Variants in SPATA9 observed in about 807,000 individuals in gnomAD.
SPATA9 encodes the protein spermatogenesis-associated protein 9.
In SPATA9, 27 loss-of-function variants were observed where a neutral mutation model predicts 25.5. The ratio of observed to expected loss-of-function variants is 1.06; its 90% CI spans 0.78 to 1.46. The LOEUF (loss-of-function observed/expected upper bound fraction) is 1.46. Ranked by LOEUF, SPATA9 falls within the 40% of genes most tolerant of loss-of-function variation. The pLI, the probability that SPATA9 is intolerant of heterozygous loss-of-function variation, is 0.00. For synonymous variants in SPATA9, 102 were observed against 105.7 expected, an observed-to-expected ratio of 0.97 and a Z score of 0.21; for missense variants, 282 against 297.5, an observed-to-expected ratio of 0.95 and a Z score of 0.38.
chr5:95,698,180 C>T (rs1035380816), intron 1 of SPATA9, among the ~76,000 whole-genome samples: 6 of 152,110 alleles, frequency 3.9e-5, no homozygotes, highest in African/African-American at 1.2e-4. Flanking sequence ...TAAGGCATTG[C>T]TTCATGGAAA....
intron 1 of SPATA9, among the ~76,000 whole-genome samples, chr5:95,692,510 T>C (rs927919315): frequency 6.6e-6 from 1 of 152,084 alleles, no homozygotes; most frequent in Non-Finnish European, 1.5e-5. Flanking sequence ...ATATTATTTC[T>C]AATCTTGTAT....
chr5:95,713,646 T>C, the SPATA9 span: 1 of 152,130 alleles, frequency 6.6e-6, no homozygotes, highest in Non-Finnish European at 1.5e-5. Context: ...TATGTCTTTA[T>C]AGTGTGTGAG....
chr5:95,677,998 C>T, intron 2 of SPATA9, among the ~76,000 whole-genome samples: 1 of 152,188 alleles, frequency 6.6e-6, no homozygotes. Flanking sequence ...GAAGTAGATA[C>T]TAAGGCTATT....
intron 1 of SPATA9, among the ~76,000 whole-genome samples, chr5:95,688,104 G>A (rs943814112): frequency 5.9e-5 from 9 of 152,130 alleles, no homozygotes; most frequent in Admixed American, 2.0e-4. Flanking sequence ...ATATCAGAAA[G>A]ATACCTGCAT....
the SPATA9 span, among the ~76,000 whole-genome samples, chr5:95,728,927 A>G: frequency 6.6e-6 from 1 of 152,230 alleles, no homozygotes. Flanking sequence ...ATAATGCACT[A>G]GCATGCTAAA....
chr5:95,714,615 A>G, the SPATA9 span, among the ~76,000 whole-genome samples: 1 of 152,030 alleles, frequency 6.6e-6, no homozygotes, highest in African/African-American at 2.4e-5. Flanking sequence ...GTTTGTAGTG[A>G]GTTGAGAAAT....
intron 2 of SPATA9, among the ~76,000 whole-genome samples, chr5:95,678,752 A>G (rs1367287075): frequency 6.6e-6 from 1 of 152,220 alleles, no homozygotes; most frequent in African/African-American, 2.4e-5. Flanking sequence ...CGCACTTACA[A>G]TCTAACCTTT....
At chr5:95,718,194 G>A in the SPATA9 span, among the ~76,000 whole-genome samples, 18 of 152,186 alleles carry the variant, frequency 1.2e-4, no homozygotes, top group Middle Eastern at 6.8e-3. Flanking sequence ...GCTTCTAGCC[G>A]TATGGGGAAG....
intron 1 of SPATA9, among the ~76,000 whole-genome samples, chr5:95,691,481 T>C (rs569995542): frequency 1.3e-5 from 2 of 152,324 alleles, no homozygotes; most frequent in East Asian, 1.9e-4. Context: ...GTCATTAAAA[T>C]ACTGATTTGA....
the SPATA9 span, among the ~76,000 whole-genome samples, chr5:95,722,676 G>A: frequency 6.6e-6 from 1 of 152,176 alleles, no homozygotes; most frequent in African/African-American, 2.4e-5. Context: ...TTTTAGTAGA[G>A]GCAGGGTTTC....
At chr5:95,716,669 C>T in the SPATA9 span, among the ~76,000 whole-genome samples, 25 of 152,178 alleles carry the variant, frequency 1.6e-4, no homozygotes, top group South Asian at 6.2e-4. Context: ...GCATGATTGG[C>T]GTTGAAATGT....
intron 2 of SPATA9, among the ~76,000 whole-genome samples, chr5:95,676,636 C>T (rs1430921205): frequency 6.6e-6 from 1 of 152,176 alleles, no homozygotes; most frequent in African/African-American, 2.4e-5. Flanking sequence ...CTTCTCATTA[C>T]CCCCAGTACA....
intron 1 of SPATA9, among the ~76,000 whole-genome samples, chr5:95,694,626 T>A (rs1753970338): frequency 6.6e-6 from 1 of 152,208 alleles, no homozygotes; most frequent in South Asian, 2.1e-4. Context: ...TTATTTAAAT[T>A]TTCCATGAAA....
intron 1 of SPATA9, among the ~76,000 whole-genome samples, chr5:95,694,070 G>A (rs1019692238): frequency 3.3e-5 from 5 of 152,082 alleles, no homozygotes; most frequent in African/African-American, 1.2e-4. Context: ...TGAGGTGGGA[G>A]GAACACTTGA....
chr5:95,704,351 C>T, the SPATA9 span, among the ~76,000 whole-genome samples: 6 of 152,250 alleles, frequency 3.9e-5, no homozygotes, highest in Non-Finnish European at 7.4e-5. Context: ...TCTAAGGACA[C>T]GTGGCAGACA....
the SPATA9 span, chr5:95,719,591 T>G: frequency 6.6e-6 from 1 of 152,242 alleles, no homozygotes; most frequent in Non-Finnish European, 1.5e-5. Context: ...CTACTTGATA[T>G]GAGAATCTAA....
the SPATA9 span, among the ~76,000 whole-genome samples, chr5:95,706,317 C>T: frequency 7.1e-4 from 108 of 151,832 alleles, no homozygotes; most frequent in African/African-American, 2.6e-3. Flanking sequence ...GTGGATTTCC[C>T]CCTTGCTGAT....
At chr5:95,697,081 T>G (rs976220032) in intron 1 of SPATA9, among the ~76,000 whole-genome samples, 6 of 152,166 alleles carry the variant, frequency 3.9e-5, no homozygotes, top group Admixed American at 1.3e-4. Context: ...CTCAGCAACT[T>G]AAAACAATAA....
chr5:95,671,660 C>T (rs1379373863), intron 3 of SPATA9, among the ~76,000 whole-genome samples: 4 of 152,234 alleles, frequency 2.6e-5, no homozygotes, highest in East Asian at 3.9e-4. Flanking sequence ...TCCACCACCT[C>T]AGCCTCCCAA....
Sources: gnomAD v4.1 joint callset for allele counts (sites outside exome capture counted in the v4.1 genomes callset) on GRCh38, gnomAD v4.1.1 for gene constraint, MANE v1.5 for transcripts, NCBI Gene and HGNC (gene_info 2026-07-23, HGNC 2026-07-21) for gene names.